The following TENM2 variants were observed in gnomAD, a reference collection of about 807,000 sequenced individuals.
TENM2 encodes the protein teneurin-2.
In TENM2, 52 loss-of-function variants were observed where a neutral mutation model predicts 245.2. That is an observed-to-expected ratio of 0.21 (90% CI 0.17 to 0.27). The LOEUF is 0.27. TENM2 is among the 10% of genes least tolerant of loss of function. TENM2 has a pLI of 1.00. For synonymous variants in TENM2, 1,363 were observed against 1,438.9 expected (o/e 0.95, Z 1.19); for missense variants, 3,046 against 3,666.8 (o/e 0.83, Z 4.37).
intron 14 of TENM2, among the ~76,000 whole-genome samples, chr5:168,191,897 G>C (rs371590338): frequency 6.6e-6 from 1 of 152,088 alleles, no homozygotes; most frequent in African/African-American, 2.4e-5. Flanking sequence ...TGGAAAGTTG[G>C]AGAGCCCCAA....
chr5:167,276,285 A>G, the TENM2 span, among the ~76,000 whole-genome samples: 1 of 150,934 alleles, frequency 6.6e-6, no homozygotes, highest in South Asian at 2.1e-4. Flanking sequence ...ATGTTGTAGA[A>G]CTGGTGTCAA....
intron 4 of TENM2, among the ~76,000 whole-genome samples, chr5:167,972,330 G>A (rs1781853082): frequency 6.6e-6 from 1 of 152,080 alleles, no homozygotes; most frequent in Non-Finnish European, 1.5e-5. Context: ...ATATCATTTG[G>A]CAACTTCCTT....
chr5:168,223,742 T>G (rs1207462113), intron 23 of TENM2, among the ~76,000 whole-genome samples: 1 of 152,132 alleles, frequency 6.6e-6, no homozygotes, highest in Admixed American at 6.5e-5. Context: ...TGGGATTGAT[T>G]ACGGGCACAA....
chr5:167,248,592 C>T, the TENM2 span, among the ~76,000 whole-genome samples: 4 of 152,130 alleles, frequency 2.6e-5, no homozygotes, highest in East Asian at 7.7e-4. Context: ...CATGACTTTT[C>T]GTGAATATCA....
At chr5:167,486,812 T>C (rs564739854) in intron 2 of TENM2, among the ~76,000 whole-genome samples, 3 of 152,322 alleles carry the variant, frequency 2.0e-5, no homozygotes, top group South Asian at 4.1e-4. Flanking sequence ...ACATGCTTGC[T>C]CTGGAAAGAT....
chr5:167,964,238 C>T (rs1781223671), intron 4 of TENM2, among the ~76,000 whole-genome samples: 1 of 152,196 alleles, frequency 6.6e-6, no homozygotes, highest in African/African-American at 2.4e-5. Flanking sequence ...TTGTCTAAAA[C>T]AGTAGAAAGT....
chr5:167,611,164 C>G (rs1777455974), intron 2 of TENM2, among the ~76,000 whole-genome samples: 1 of 152,180 alleles, frequency 6.6e-6, no homozygotes, highest in Non-Finnish European at 1.5e-5. Context: ...TTTTCCCATT[C>G]TTATTCTCAA....
intron 2 of TENM2, among the ~76,000 whole-genome samples, chr5:167,508,121 C>T (rs10057862): frequency 0.027 from 4,146 of 152,170 alleles, 113 homozygotes; most frequent in East Asian, 0.078. Flanking sequence ...GTTTGTTACA[C>T]GTCCCTTAAT....
the TENM2 span, among the ~76,000 whole-genome samples, chr5:167,269,929 A>G: frequency 6.6e-6 from 1 of 152,202 alleles, no homozygotes; most frequent in African/African-American, 2.4e-5. Context: ...TACTAGGATC[A>G]GGTAGTGAGA....
chr5:168,065,682 A>G (rs1246803844), intron 7 of TENM2, among the ~76,000 whole-genome samples: 2 of 152,052 alleles, frequency 1.3e-5, no homozygotes, highest in Non-Finnish European at 2.9e-5. Flanking sequence ...ACTACATTTC[A>G]TTGCAGAAAA....
chr5:167,949,564 A>G lies in TENM2; in HGVS notation c.713-3024A>G, dbSNP rs1779915920. 1.3e-5 allele frequency among the ~76,000 whole-genome samples: 2 copies of G among 152,126 alleles called. 1 individual carries two copies. The highest frequency in any genetic ancestry group is 4.1e-4 in the South Asian group (2 of 4,822). ...CATCAGGCAGCATGCTTAGCACTTT[A>G]CATTCATCCTTCCTCTCTAACTTTC... is the stretch of plus-strand genomic sequence containing the variant. On this transcript the variant is annotated intron_variant, in intron 3 of 28. Transcript: ENST00000518659.
the TENM2 span, among the ~76,000 whole-genome samples, chr5:167,237,641 CGTAA>C: frequency 6.6e-6 from 1 of 152,148 alleles, no homozygotes; most frequent in Non-Finnish European, 1.5e-5. Flanking sequence ...ATCAAGAAAG[CGTAA>C]GTGTCAGCAT....
intron 2 of TENM2, among the ~76,000 whole-genome samples, chr5:167,503,248 T>C (rs1769327250): frequency 1.3e-5 from 2 of 152,222 alleles, no homozygotes; most frequent in South Asian, 2.1e-4. Context: ...ACAATCATTA[T>C]ATATTTTTTT....
chr5:167,108,230 A>AGG, the TENM2 span, among the ~76,000 whole-genome samples: 1 of 152,260 alleles, frequency 6.6e-6, no homozygotes, highest in Admixed American at 6.5e-5. Flanking sequence ...GGTTCAAGTG[A>AGG]TTCTCATGCC....
rs145826719 is a variant in TENM2, at chr5:167,518,827, T to G, written c.502+143354T>G. On this transcript the variant is annotated intron_variant, in intron 2 of 28. Transcript: ENST00000518659. ...TGTTGAATGGTGTGCTTGATTCAGC[T>G]GGGGCCAGTGGCAGGATCTTTTGGG... Among the ~76,000 whole-genome samples the G allele has an allele frequency of 3.9e-5, 6 of 152,240 alleles. No individual in the cohort carries two copies. The East Asian group carries it at 1.2e-3, about 29-fold the overall frequency.
At chr5:167,415,393 A>C (rs1270807156) in intron 2 of TENM2, among the ~76,000 whole-genome samples, 1 of 152,154 alleles carries the variant, frequency 6.6e-6, no homozygotes, top group Non-Finnish European at 1.5e-5. Context: ...GTTTTCCTTC[A>C]TAATAAATTA....
intron 2 of TENM2, among the ~76,000 whole-genome samples, chr5:167,445,371 T>A (rs13165124): frequency 0.24 from 19,191 of 80,840 alleles, 1,756 homozygotes; most frequent in Non-Finnish European, 0.28. Context: ...AGAGAGAGAG[T>A]GTCAGGTGTT....
At chr5:168,263,134 C>A, downstream of TENM2, 1 of 249,514 alleles carries the variant, frequency 4.0e-6, no homozygotes, top group Non-Finnish European at 7.7e-6. Flanking sequence ...CGCAAAGTGT[C>A]CAAAAGGAAC....
chr5:167,068,047 T>C, the TENM2 span, among the ~76,000 whole-genome samples: 1 of 152,188 alleles, frequency 6.6e-6, no homozygotes, highest in Non-Finnish European at 1.5e-5. Flanking sequence ...TTCCTCAGGA[T>C]AAAGGAAGTG....
Sources: gnomAD v4.1 joint callset for allele counts (sites outside exome capture counted in the v4.1 genomes callset) on GRCh38, gnomAD v4.1.1 for gene constraint, MANE v1.5 for transcripts, NCBI Gene and HGNC (gene_info 2026-07-23, HGNC 2026-07-21) for gene names.